The following MORN4 variants were observed in gnomAD, a reference collection of about 807,000 sequenced individuals.
MORN4 encodes the protein MORN repeat containing 4, also known as MORN repeat-containing protein 4.
In MORN4, 8 loss-of-function variants were observed where a neutral mutation model predicts 16.4. The observed-to-expected ratio is 0.49, with a 90% CI of 0.29 to 0.88. The LOEUF (loss-of-function observed/expected upper bound fraction) is 0.88, where lower values mean the gene tolerates loss of function less well. Ranked by LOEUF, MORN4 falls within the 40% of genes least tolerant of loss-of-function variation. MORN4 has a pLI of 0.09. For synonymous variants in MORN4, 53 were observed against 68.9 expected, an observed-to-expected ratio of 0.77 and a Z score of 1.14; for missense variants, 159 against 182.9, an observed-to-expected ratio of 0.87 and a Z score of 0.75.
At chr10:97,623,294 T>C (rs2041319694) in intron 1 of MORN4, among the ~76,000 whole-genome samples, 1 of 152,168 alleles carries the variant, frequency 6.6e-6, no homozygotes, top group South Asian at 2.1e-4. Flanking sequence ...AAAAGTCCTC[T>C]ATCAACCAAG....
intron 1 of MORN4, among the ~76,000 whole-genome samples, chr10:97,631,254 A>T (rs1372631375): frequency 6.6e-6 from 1 of 152,186 alleles, no homozygotes; most frequent in Non-Finnish European, 1.5e-5. Flanking sequence ...AGATACACCC[A>T]TGGAATCCAG....
intron 1 of MORN4, among the ~76,000 whole-genome samples, chr10:97,630,534 T>C (rs2041387641): frequency 6.6e-6 from 1 of 152,192 alleles, no homozygotes; most frequent in African/African-American, 2.4e-5. Flanking sequence ...ATATAGCAAA[T>C]TCCCTTCAGC....
upstream of MORN4, chr10:97,633,501 G>A (rs1305774074): frequency 3.1e-6 from 4 of 1,289,824 alleles, no homozygotes; most frequent in South Asian, 1.2e-5. This position sits in a 1 kb window ranked among gnomAD's most constrained non-coding sequence, Gnocchi z 4.5. Context: ...CGACCGCACT[G>A]GGTACAATTC....
intron 1 of MORN4, among the ~76,000 whole-genome samples, chr10:97,629,457 C>A (rs1589924181): frequency 2.0e-5 from 3 of 152,172 alleles, no homozygotes; most frequent in South Asian, 4.1e-4. Context: ...GTCACTGATA[C>A]ACTCACACTT....
rs187843100 is a variant in MORN4 at position 97,623,978 on chromosome 10, C to T, written c.-30-4295G>A. Reference sequence around the variant, plus strand: ...GTCTCAATCTCCTGACCTCGTGATCCGCCCGCCTTGGCCTCCCAAAGTGCT... The same window carrying T: ...GTCTCAATCTCCTGACCTCGTGATCTGCCCGCCTTGGCCTCCCAAAGTGCT... On this transcript the variant is annotated intron_variant, in intron 1 of 4. Transcript: ENST00000307450. Among the ~76,000 whole-genome samples the T allele has an allele frequency of 5.3e-5, 8 of 152,078 alleles. No individual in the cohort carries two copies. The East Asian group carries it at 1.5e-3, about 29-fold the overall frequency.
intron 1 of MORN4, among the ~76,000 whole-genome samples, chr10:97,626,982 C>G (rs2041354011): frequency 6.6e-6 from 1 of 151,430 alleles, no homozygotes; most frequent in South Asian, 2.1e-4. Flanking sequence ...GTCTTGAACT[C>G]CTGACCTCAG....
rs11189303 is a variant in MORN4, at chr10:97,633,477, G to A, written c.-161C>T. On this transcript the variant is annotated 5_prime_UTR_variant, in exon 1 of 5. Coordinates refer to ENST00000307450, the MANE Select transcript of MORN4 (RefSeq NM_178832.4). This position sits in a 1 kb window ranked among gnomAD's most constrained non-coding sequence, Gnocchi z 4.5. ...TCCACCAGCGATTGCCCCACTTGACGCCGCCATCCTGGGCGACCGCACTGG... is the reference window on the plus strand; with the variant it reads ...TCCACCAGCGATTGCCCCACTTGACACCGCCATCCTGGGCGACCGCACTGG... The A allele has an allele frequency of 0.21, 269,277 of 1,289,686 alleles. 29,502 individuals carry two copies. The highest frequency in any genetic ancestry group is 0.23 in the Non-Finnish European group (227,140 of 988,802). 79.9% of individuals were successfully genotyped at this position (1,289,686 alleles called of 1,614,324 possible). A position where few individuals can be genotyped will look rare whatever the true frequency, so the allele number is the denominator to read the frequency against.
chr10:97,631,948 GAA>G (rs200848386), intron 1 of MORN4, among the ~76,000 whole-genome samples: 1 of 101,838 alleles, frequency 9.8e-6, no homozygotes, highest in Non-Finnish European at 2.3e-5. Flanking sequence ...TCAAAAAAAA[GAA>G]AAGAAAAGCA....
rs925370249 is a variant in MORN4, at chr10:97,616,598, G to T, written c.292+80C>A. On this transcript the variant is annotated intron_variant, in intron 4 of 4. Coordinates refer to ENST00000307450, the MANE Select transcript of MORN4 (RefSeq NM_178832.4). ...GGCCACTATGGATTGCTGGACACCC[G>T]CAGGATTAAAACTAAACAGGTATAT... 4.5e-6 allele frequency: 6 copies of T among 1,322,752 alleles called. No individual in the cohort carries two copies. In the South Asian group the frequency reaches 7.3e-5, roughly 16 times the overall value. The allele number at this position is 1,322,752 out of a possible 1,614,324, so 81.9% of individuals were successfully genotyped here.
chr10:97,629,069 G>C (rs950747641), intron 1 of MORN4, among the ~76,000 whole-genome samples: 4 of 152,078 alleles, frequency 2.6e-5, no homozygotes, highest in Non-Finnish European at 5.9e-5. Context: ...GCTTGTGACT[G>C]CTTGGACCAA....
At chr10:97,619,532 T>C in intron 2 of MORN4, 55 bp downstream of exon 2, 1 of 1,310,116 alleles carries the variant, frequency 7.6e-7, no homozygotes, top group Non-Finnish European at 1.1e-6. Flanking sequence ...CTGATGTATT[T>C]GTCCTCCAGC....
chr10:97,623,730 CTTT>C (rs561536784), intron 1 of MORN4, among the ~76,000 whole-genome samples: 1 of 139,964 alleles, frequency 7.1e-6, no homozygotes, highest in African/African-American at 2.6e-5. Context: ...AGACGGGATT[CTTT>C]TTTTTTTTTT....
chr10:97,619,243 T>G (rs532437522), intron 2 of MORN4, among the ~76,000 whole-genome samples: 6 of 152,096 alleles, frequency 3.9e-5, no homozygotes, highest in Admixed American at 1.3e-4. Context: ...GAGAATCGCT[T>G]GAACCCAGGG....
At chr10:97,624,468 A>C (rs1239565291) in intron 1 of MORN4, among the ~76,000 whole-genome samples, 1 of 152,166 alleles carries the variant, frequency 6.6e-6, no homozygotes, top group Non-Finnish European at 1.5e-5. Context: ...CCTGGAATGC[A>C]GTAGTGTGAT....
intron 1 of MORN4, among the ~76,000 whole-genome samples, chr10:97,626,605 G>T (rs1031149471): frequency 6.6e-6 from 1 of 151,272 alleles, no homozygotes; most frequent in Non-Finnish European, 1.5e-5. Flanking sequence ...TCAGGTGACC[G>T]TCACCATGGC....
chr10:97,619,864 C>T (rs1451688730), intron 1 of MORN4, among the ~76,000 whole-genome samples, 181 bp from the exon 2 acceptor site: 1 of 152,098 alleles, frequency 6.6e-6, no homozygotes, highest in Non-Finnish European at 1.5e-5. Context: ...CCACCTCTGC[C>T]CAAGTGCTCT....
chr10:97,616,742 G>A lies in MORN4; in HGVS notation c.228C>T (p.Val76=). ...FAQGKFNGVG[V]FIRYDNMTFE... is the part of the protein sequence containing the mutation. The stretch of plus-strand genomic sequence containing the variant: ...AGGTCATGTTGTCATATCGAATGAA[G>A]ACTCCGACGCCATTAAACTTGCCCT... Residue 76 remains valine, a synonymous_variant, in exon 4 of 5, where the codon GTC becomes GTT. Coordinates refer to ENST00000307450, the MANE Select transcript of MORN4 (RefSeq NM_178832.4). 6.2e-7 allele frequency: 1 copy of A among 1,614,104 alleles called. No homozygotes were observed. The highest frequency in any genetic ancestry group is 8.5e-7 in the Non-Finnish European group (1 of 1,180,000).
intron 1 of MORN4, among the ~76,000 whole-genome samples, chr10:97,625,680 A>C (rs2135740286): frequency 6.6e-6 from 1 of 152,372 alleles, no homozygotes; most frequent in East Asian, 1.9e-4. Flanking sequence ...CTGAATACTA[A>C]GTAGAGGAAA....
intron 2 of MORN4, 185 bp downstream of exon 2, chr10:97,619,402 T>G: frequency 1.7e-6 from 1 of 605,928 alleles, no homozygotes. Context: ...GAGGTTGAAT[T>G]AACAATAGCA....
Sources: gnomAD v4.1 joint callset for allele counts (sites outside exome capture counted in the v4.1 genomes callset) on GRCh38, gnomAD v4.1.1 for gene constraint, Gnocchi (gnomAD v3.1) non-coding constraint, MANE v1.5 for transcripts, NCBI Gene and HGNC (gene_info 2026-07-23, HGNC 2026-07-21) for gene names.